SND1: variants seen among roughly 807,000 people sequenced by gnomAD.
The protein encoded by SND1 is staphylococcal nuclease and tudor domain containing 1, also known as staphylococcal nuclease domain-containing protein 1.
SND1 carries 38 observed loss-of-function variants against 121.7 expected under a neutral mutation model. The ratio of observed to expected loss-of-function variants is 0.31; its 90% CI spans 0.24 to 0.41. The LOEUF is 0.41. Ranked by LOEUF, SND1 falls within the 10% of genes least tolerant of loss-of-function variation. The pLI is 1.00. For missense variants in SND1, 868 were observed against 1,184.6 expected, an observed-to-expected ratio of 0.73 and a Z score of 3.92; for synonymous variants, 401 against 447.4, an observed-to-expected ratio of 0.90 and a Z score of 1.31.
At chr7:128,033,124 C>T (rs913071653) in intron 16 of SND1, among the ~76,000 whole-genome samples, 3 of 152,224 alleles carry the variant, frequency 2.0e-5, no homozygotes, top group African/African-American at 7.2e-5. Flanking sequence ...CCAGCCCTTC[C>T]TTGGCTAGGA....
intron 2 of SND1, among the ~76,000 whole-genome samples, chr7:127,689,459 G>C (rs75175655): frequency 0.022 from 3,321 of 152,260 alleles, 67 homozygotes; most frequent in Non-Finnish European, 0.032. Context: ...AAGAAAGAAG[G>C]GTTGGATTTT....
intron 10 of SND1, among the ~76,000 whole-genome samples, chr7:127,801,246 A>G (rs980855908): frequency 1.3e-5 from 2 of 152,258 alleles, no homozygotes; most frequent in African/African-American, 4.8e-5. Context: ...GGGCATTCCT[A>G]TTTCTCCACA....
At chr7:127,821,310 C>T (rs906649971) in intron 11 of SND1, among the ~76,000 whole-genome samples, 2 of 152,124 alleles carry the variant, frequency 1.3e-5, no homozygotes, top group Non-Finnish European at 2.9e-5. Context: ...ATGCGGGGTG[C>T]TTGGCCATTG....
intron 12 of SND1, among the ~76,000 whole-genome samples, chr7:127,858,808 A>G (rs994816072): frequency 2.0e-5 from 3 of 152,216 alleles, no homozygotes; most frequent in Non-Finnish European, 4.4e-5. Context: ...ATTTGTTCTT[A>G]TCTAGAATGA....
chr7:127,701,511 A>G (rs895339728), intron 5 of SND1, among the ~76,000 whole-genome samples, 188 bp downstream of exon 5: 8 of 152,206 alleles, frequency 5.3e-5, no homozygotes, highest in African/African-American at 1.9e-4. Flanking sequence ...CATGTAAATC[A>G]CATCAGATAC....
chr7:127,892,602 T>TGGCCTTCC (rs1412934443), intron 13 of SND1, among the ~76,000 whole-genome samples: 1 of 152,154 alleles, frequency 6.6e-6, no homozygotes, highest in East Asian at 1.9e-4. Context: ...TTCGGCCTTC[T>TGGCCTTCC]GGCCTTCCTT....
chr7:127,961,254 G>A (rs1323961345), intron 15 of SND1, among the ~76,000 whole-genome samples: 1 of 152,154 alleles, frequency 6.6e-6, no homozygotes, highest in African/African-American at 2.4e-5. Context: ...GGAAGATCTA[G>A]TTGTAATATA....
chr7:127,922,614 G>A (rs1158690465), intron 14 of SND1, among the ~76,000 whole-genome samples: 1 of 152,134 alleles, frequency 6.6e-6, no homozygotes, highest in African/African-American at 2.4e-5. Context: ...TCTGATTGGA[G>A]AGTAATTGTT....
intron 10 of SND1, among the ~76,000 whole-genome samples, chr7:127,747,116 G>A (rs1035475973): frequency 1.3e-5 from 2 of 152,218 alleles, no homozygotes; most frequent in Non-Finnish European, 2.9e-5. Flanking sequence ...GGGTGGAAGA[G>A]TTAGAATTTG....
At chr7:127,661,881 C>T (rs931480099) in intron 1 of SND1, among the ~76,000 whole-genome samples, 3 of 151,912 alleles carry the variant, frequency 2.0e-5, no homozygotes, top group Non-Finnish European at 4.4e-5. Context: ...TTTGGGAAGC[C>T]GAGGTGGGTA....
chr7:128,065,820 C>T (rs1793303536), intron 16 of SND1, among the ~76,000 whole-genome samples: 1 of 152,196 alleles, frequency 6.6e-6, no homozygotes, highest in Admixed American at 6.5e-5. Context: ...TTCACGTCAA[C>T]TGGGAACATG....
At chr7:127,810,572 G>A (rs201385788) in intron 11 of SND1, among the ~76,000 whole-genome samples, 9 of 152,114 alleles carry the variant, frequency 5.9e-5, no homozygotes, top group Admixed American at 4.6e-4. Flanking sequence ...TGATTTTCTC[G>A]CTGTGTGAAT....
intron 15 of SND1, among the ~76,000 whole-genome samples, chr7:127,956,299 G>C (rs187414929): frequency 5.6e-4 from 86 of 152,236 alleles, no homozygotes; most frequent in Non-Finnish European, 2.8e-4. Flanking sequence ...CTGAAATCCA[G>C]AGCCCCAGTA....
intron 1 of SND1, among the ~76,000 whole-genome samples, chr7:127,652,981 T>C (rs1316006238): frequency 6.6e-6 from 1 of 152,188 alleles, no homozygotes; most frequent in Non-Finnish European, 1.5e-5. Context: ...GCTCCTGATC[T>C]TTGTGTACTT....
intron 12 of SND1, chr7:127,857,838 C>A: frequency 9.9e-7 from 1 of 1,006,886 alleles, no homozygotes; most frequent in Non-Finnish European, 1.6e-6. Context: ...AACTAGGTCC[C>A]CAGCAGTCTC....
intron 8 of SND1, among the ~76,000 whole-genome samples, chr7:127,706,383 A>G (rs375556685): frequency 4.0e-5 from 6 of 150,264 alleles, no homozygotes; most frequent in African/African-American, 1.5e-4. Flanking sequence ...CAGCCTCCCC[A>G]GTAGCTGGGA....
At chr7:127,861,686 G>C (rs570054785) in intron 12 of SND1, among the ~76,000 whole-genome samples, 5 of 152,188 alleles carry the variant, frequency 3.3e-5, no homozygotes, top group African/African-American at 1.2e-4. Context: ...ATGTTGGCCA[G>C]GCTAGGGATC....
intron 17 of SND1, among the ~76,000 whole-genome samples, chr7:128,075,377 C>A (rs1267948774): frequency 6.6e-6 from 1 of 152,212 alleles, no homozygotes; most frequent in African/African-American, 2.4e-5. Context: ...GAGGAGGATT[C>A]GTGGGACAGC....
intron 10 of SND1, among the ~76,000 whole-genome samples, chr7:127,777,826 G>T (rs573056852): frequency 2.6e-5 from 4 of 152,062 alleles, no homozygotes; most frequent in African/African-American, 9.7e-5. Context: ...ACAGGCCTGC[G>T]CCACCTGCAC....
Sources: gnomAD v4.1 joint callset for allele counts (sites outside exome capture counted in the v4.1 genomes callset) on GRCh38, gnomAD v4.1.1 for gene constraint, MANE v1.5 for transcripts, NCBI Gene and HGNC (gene_info 2026-07-23, HGNC 2026-07-21) for gene names.